TASOR2: variants seen among roughly 807,000 people sequenced by gnomAD.
TASOR2 encodes transcription activation suppressor family member 2.
TASOR2 carries 84 observed loss-of-function variants against 199.5 expected under a neutral mutation model. That is an observed-to-expected ratio of 0.42 (90% CI 0.35 to 0.50). TASOR2 has a LOEUF of 0.50. Among genes scored for constraint, TASOR2 ranks in the 20% least tolerant of loss-of-function variants. TASOR2 has a pLI of 0.02. For missense variants in TASOR2, 2,796 were observed against 2,835.9 expected (o/e 0.99, Z 0.32); for synonymous variants, 1,103 against 1,046.6 (o/e 1.05, Z -1.04).
At position 5,723,673 on chromosome 10, in the gene TASOR2, T is replaced by C; in HGVS notation, c.147-4T>C. 6.4e-7 allele frequency: 1 copy of C among 1,562,404 alleles called. No individual in the cohort carries two copies. Among genetic ancestry groups the C allele is most frequent in the Non-Finnish European group, 8.7e-7 (1 of 1,148,742 alleles). On this transcript the variant is annotated splice_polypyrimidine_tract_variant and splice_region_variant and intron_variant, in intron 6 of 20. Coordinates refer to ENST00000328090, the Ensembl canonical transcript of TASOR2. Reference sequence around the variant, plus strand: ...CTGCTTGATACTGTTGTGTTGTTTTTCAGACCGCAGGAACTAGATTTTAAA... The same window carrying C: ...CTGCTTGATACTGTTGTGTTGTTTTCCAGACCGCAGGAACTAGATTTTAAA...
At chr10:5,688,074 T>TG (rs1484654501) in intron 1 of TASOR2, among the ~76,000 whole-genome samples, 1 of 152,228 alleles carries the variant, frequency 6.6e-6, no homozygotes, top group Admixed American at 6.5e-5. Context: ...GTATTCATTG[T>TG]GTTGCCATGT....
At chr10:5,708,673 CTTCCTTCCTTTCCTTCCT>C (rs1554756504) in intron 1 of TASOR2, among the ~76,000 whole-genome samples, 1 of 129,374 alleles carries the variant, frequency 7.7e-6, no homozygotes, top group Non-Finnish European at 1.6e-5. Context: ...TCCTTTCTTC[CTTCCTTCCTTTCCTTCCT>C]TTCTTTCCTT....
In TASOR2 at chr10:5,699,078, C is replaced by CA. The variant is rs1477451914; in HGVS notation, c.-287-13742dup. ...TAATAGCCAAAATGTAGAAACAACC[C>CA]AAATGTGCATCAGTTGATGGATAAA... On this transcript the variant is annotated intron_variant, in intron 1 of 20. Coordinates refer to ENST00000328090, the Ensembl canonical transcript of TASOR2. The surrounding 1 kb of genome is among the most constrained non-coding windows in gnomAD (Gnocchi z 4.1). Among the ~76,000 whole-genome samples the CA allele has an allele frequency of 6.6e-6, 1 of 152,102 alleles. No homozygotes were observed. Among genetic ancestry groups the CA allele is most frequent in the African/African-American group, 2.4e-5 (1 of 41,416 alleles).
At chr10:5,718,366 C>G (rs1588702686) in intron 3 of TASOR2, among the ~76,000 whole-genome samples, 1 of 141,104 alleles carries the variant, frequency 7.1e-6, no homozygotes, top group Non-Finnish European at 1.5e-5. Flanking sequence ...CTTTGGTTAT[C>G]AGCCTAGCAC....
intron 14 of TASOR2, among the ~76,000 whole-genome samples, chr10:5,744,933 A>T (rs1331410121): frequency 6.6e-6 from 1 of 152,312 alleles, no homozygotes; most frequent in African/African-American, 2.4e-5. Context: ...CCTACCTAAG[A>T]CAGAAATGTT....
intron 11 of TASOR2, among the ~76,000 whole-genome samples, 163 bp from the exon 13 acceptor site, chr10:5,735,141 T>C (rs986528999): frequency 6.6e-6 from 1 of 152,216 alleles, no homozygotes; most frequent in African/African-American, 2.4e-5. Context: ...TAACTTTTGA[T>C]TTGTTAAAAT....
At chr10:5,723,637 T>C (rs1833663819) in intron 6 of TASOR2, 40 bp from the exon 8 acceptor site, 2 of 1,248,206 alleles carry the variant, frequency 1.6e-6, no homozygotes. Context: ...TTAGATCCAC[T>C]GTTTATTATT....
chr10:5,742,082 TC>T lies in TASOR2; in HGVS notation c.2328-14del, dbSNP rs1836513741. ...TTTTCAATGATTTTCATGTGTTCTT[TC>T]TGTAAACTCTTAGGCCCTGGAATAC... On this transcript the variant is annotated splice_polypyrimidine_tract_variant and intron_variant, in intron 13 of 20. Transcript: ENST00000328090. This position sits in a 1 kb window ranked among gnomAD's most constrained non-coding sequence, Gnocchi z 4.2. The T allele has an allele frequency of 6.2e-7, 1 of 1,602,860 alleles. No individual in the cohort carries two copies. Among genetic ancestry groups the T allele is most frequent in the East Asian group, 2.2e-5 (1 of 44,844 alleles).
intron 6 of TASOR2, 53 bp downstream of exon 7, chr10:5,721,023 G>T (rs1000894402): frequency 3.3e-5 from 48 of 1,454,706 alleles, no homozygotes; most frequent in South Asian, 2.4e-4. Flanking sequence ...AAGTTTTGGG[G>T]TTTTTTTTCC....
chr10:5,731,141 G>C, exon 11 of TASOR2: 5 of 1,611,562 alleles, frequency 3.1e-6, no homozygotes, highest in Non-Finnish European at 4.2e-6. Context: ...GCAGACAACA[G>C]CTCGGACTCT....
Position 5,730,603 on chromosome 10 carries a change from C to G in TASOR2, c.604C>G (p.Pro202Ala). 6.2e-7 allele frequency: 1 copy of G among 1,614,206 alleles called. No individual in the cohort carries two copies. Among genetic ancestry groups the G allele is most frequent in the Non-Finnish European group, 8.5e-7 (1 of 1,180,034 alleles). Residue 202 changes from proline to alanine, a missense_variant, in exon 11 of 21, where the codon CCA becomes GCA. Transcript: ENST00000328090. This position sits in a 1 kb window ranked among gnomAD's most constrained non-coding sequence, Gnocchi z 4.1. ...ATCACTTCCTGAAGAAAGAATCCATCCAAACACATTAGTAAAGCGTCATTT... is the reference window on the plus strand; with the variant it reads ...ATCACTTCCTGAAGAAAGAATCCATGCAAACACATTAGTAAAGCGTCATTT...
Position 5,754,089 on chromosome 10 carries a change from G to C in TASOR2, c.6607-2524G>C, listed in dbSNP as rs1222616565. 1.3e-5 allele frequency among the ~76,000 whole-genome samples: 2 copies of C among 152,138 alleles called. No individual in the cohort carries two copies. The highest frequency in any genetic ancestry group is 1.3e-4 in the Admixed American group (2 of 15,282). On this transcript the variant is annotated intron_variant, in intron 15 of 20. Transcript: ENST00000328090. The surrounding 1 kb of genome is among the most constrained non-coding windows in gnomAD (Gnocchi z 4.3). ...GGAGGCCGAGGCAGGTGGATCACCTGAAGTCAGGAGTTGGAGACCAGCCTA... is the reference window on the plus strand; with the variant it reads ...GGAGGCCGAGGCAGGTGGATCACCTCAAGTCAGGAGTTGGAGACCAGCCTA...
Position 5,754,307 on chromosome 10 carries a change from T to TCA in TASOR2, c.6607-2304_6607-2303dup, listed in dbSNP as rs1328214904. On this transcript the variant is annotated intron_variant, in intron 15 of 20. Coordinates refer to ENST00000328090, the Ensembl canonical transcript of TASOR2. This position sits in a 1 kb window ranked among gnomAD's most constrained non-coding sequence, Gnocchi z 4.3. The stretch of plus-strand genomic sequence containing the variant: ...CACAACAGAGCAGTAATCTTAGTTC[T>TCA]CACTTCCTTTCCAGATGAAGTGATA... 6.6e-6 allele frequency among the ~76,000 whole-genome samples: 1 copy of TCA among 152,134 alleles called. No individual in the cohort carries two copies. Among genetic ancestry groups the TCA allele is most frequent in the Non-Finnish European group, 1.5e-5 (1 of 68,026 alleles).
At chr10:5,723,808 TC>T (rs1833685396) in intron 7 of TASOR2, 31 bp downstream of exon 8, 4 of 1,450,384 alleles carry the variant, frequency 2.8e-6, no homozygotes, top group Non-Finnish European at 3.8e-6. Context: ...ACGCTACTTG[TC>T]CTGGGCTTTG....
At chr10:5,723,316 A>G (rs1427132654) in intron 6 of TASOR2, among the ~76,000 whole-genome samples, 2 of 151,848 alleles carry the variant, frequency 1.3e-5, no homozygotes, top group Admixed American at 1.3e-4. Flanking sequence ...CAGCCTCCCA[A>G]AGTTGCTGGG....
chr10:5,729,585 T>C (rs11254891), intron 10 of TASOR2, among the ~76,000 whole-genome samples: 5,846 of 152,316 alleles, frequency 0.038, 270 homozygotes, highest in African/African-American at 0.11. Context: ...TTTTCCTTTT[T>C]ACTGTTATTT....
intron 18 of TASOR2, among the ~76,000 whole-genome samples, chr10:5,759,977 A>G (rs935721041): frequency 3.9e-5 from 6 of 152,364 alleles, no homozygotes; most frequent in African/African-American, 1.2e-4. Flanking sequence ...ACCACAGCAC[A>G]CCTATAAAAT....
At chr10:5,716,338 T>C (rs1338623357) in intron 2 of TASOR2, among the ~76,000 whole-genome samples, 1 of 152,218 alleles carries the variant, frequency 6.6e-6, no homozygotes, top group Non-Finnish European at 1.5e-5. Context: ...AACATACATG[T>C]ACAAGTTTTT....
At chr10:5,746,440 G>A (rs750474284) in exon 15 of TASOR2, 1 of 1,614,068 alleles carries the variant, frequency 6.2e-7, no homozygotes. Context: ...GGATATTCTT[G>A]ATGCAGCAGT....
Sources: allele counts gnomAD v4.1 joint callset (sites outside exome capture counted in the v4.1 genomes callset), GRCh38; gene constraint gnomAD v4.1.1; non-coding constraint Gnocchi (gnomAD v3.1); transcripts MANE v1.5; gene names NCBI Gene and HGNC (gene_info 2026-07-23, HGNC 2026-07-21).